HAT1: variants seen among roughly 807,000 people sequenced by gnomAD.
HAT1 encodes the protein histone acetyltransferase 1.
Under a neutral mutation model 56.6 loss-of-function variants are expected in HAT1, and 20 were observed. The ratio of observed to expected loss-of-function variants is 0.35; its 90% CI spans 0.25 to 0.51. The LOEUF (loss-of-function observed/expected upper bound fraction) is 0.51, where lower values mean the gene tolerates loss of function less well. HAT1 is among the 20% of genes least tolerant of loss of function. HAT1 has a pLI of 0.95. For synonymous variants in HAT1, 146 were observed against 165.5 expected, an observed-to-expected ratio of 0.88 and a Z score of 0.91; for missense variants, 408 against 504.3, an observed-to-expected ratio of 0.81 and a Z score of 1.83.
At chr2:171,938,076 T>TCTCTCTC (rs1574039412) in intron 2 of HAT1, among the ~76,000 whole-genome samples, 23 of 63,694 alleles carry the variant, frequency 3.6e-4, no homozygotes, top group East Asian at 7.1e-4. Context: ...CTCTCTCTCT[T>TCTCTCTC]TAAATGAACT....
intron 2 of HAT1, among the ~76,000 whole-genome samples, chr2:171,927,627 C>T (rs968621230): frequency 2.0e-5 from 3 of 152,128 alleles, no homozygotes; most frequent in African/African-American, 4.8e-5. Flanking sequence ...CTCACTCAGT[C>T]GCCCAGGTAG....
rs1163494293 is a variant in HAT1, at chr2:171,965,438, A to G, written c.410A>G (p.Lys137Arg). 6.2e-7 allele frequency: 1 copy of G among 1,611,574 alleles called. No homozygotes were observed. The highest frequency in any genetic ancestry group is 8.5e-7 in the Non-Finnish European group (1 of 1,177,976). Reference sequence around the variant, plus strand: ...TTACTGGAAAAGGAAGTTGATTTCAAGCCATTCGGAACCTTACTTCATACC... The same window carrying G: ...TTACTGGAAAAGGAAGTTGATTTCAGGCCATTCGGAACCTTACTTCATACC... Reference protein sequence around the residue: ...LSLLEKEVDFKPFGTLLHTYS... With the variant: ...LSLLEKEVDFRPFGTLLHTYS... Residue 137 changes from lysine (K) to arginine (R), a missense_variant, in exon 5 of 11, where the codon AAG (lysine) becomes AGG (arginine). Transcript: ENST00000264108.
intron 1 of HAT1, among the ~76,000 whole-genome samples, chr2:171,925,155 C>T (rs1045532858): frequency 1.3e-5 from 2 of 148,182 alleles, no homozygotes; most frequent in African/African-American, 2.5e-5. Context: ...TCACTGCACC[C>T]TCTGCCTCCT....
At chr2:171,974,195 A>AAAG (rs1687899541) in intron 8 of HAT1, among the ~76,000 whole-genome samples, 1 of 57,090 alleles carries the variant, frequency 1.8e-5, no homozygotes, top group East Asian at 3.2e-4. Flanking sequence ...AAAAAAAAGA[A>AAAG]AAAAAGAAAA....
chr2:171,963,154 GGTTTT>G (rs1687612343), intron 4 of HAT1, among the ~76,000 whole-genome samples: 1 of 150,136 alleles, frequency 6.7e-6, no homozygotes, highest in South Asian at 2.1e-4. Context: ...AGAACTATTT[GGTTTT>G]AAGTTGTATA....
chr2:171,965,415 A>G lies in HAT1; in HGVS notation c.387A>G (p.Leu129=), dbSNP rs758400919. The G allele has an allele frequency of 3.7e-6, 6 of 1,609,944 alleles. No homozygotes were observed. In the South Asian group the frequency reaches 6.6e-5, roughly 18 times the overall value. The stretch of plus-strand genomic sequence containing the variant: ...CAAACACGAATGATTTCCTTTCTTT[A>G]CTGGAAAAGGAAGTTGATTTCAAGC... ...FCTNTNDFLS[L]LEKEVDFKPF... is the part of the protein sequence containing the mutation. Residue 129 remains leucine (L), a synonymous_variant, in exon 5 of 11, where the codon TTA becomes TTG. Transcript: ENST00000264108.
At chr2:171,927,391 A>G (rs1043851590) in intron 2 of HAT1, among the ~76,000 whole-genome samples, 1 of 152,200 alleles carries the variant, frequency 6.6e-6, no homozygotes, top group African/African-American at 2.4e-5. Context: ...TGCAGAAAAT[A>G]CTTGGTAAGG....
At chr2:171,980,889 G>T (rs1688116326) in intron 10 of HAT1, 1 of 148,394 alleles carries the variant, frequency 6.7e-6, no homozygotes, top group East Asian at 1.9e-4. Context: ...AAAAAAAAAG[G>T]CCAGGTGCGG....
chr2:171,978,384 C>T (rs1688042924), intron 9 of HAT1, among the ~76,000 whole-genome samples: 1 of 152,232 alleles, frequency 6.6e-6, no homozygotes, highest in African/African-American at 2.4e-5. Flanking sequence ...TAGCAGGTTT[C>T]TGACCTTTCT....
At chr2:171,977,461 T>TAA (rs369071500) in intron 9 of HAT1, among the ~76,000 whole-genome samples, 41 of 108,584 alleles carry the variant, frequency 3.8e-4, no homozygotes, top group Admixed American at 6.2e-4. Flanking sequence ...GACTTCATCT[T>TAA]AAAAAAAAAA....
chr2:171,931,942 A>G (rs1158260878), intron 2 of HAT1, among the ~76,000 whole-genome samples: 2 of 152,166 alleles, frequency 1.3e-5, no homozygotes, highest in Admixed American at 6.5e-5. Context: ...ACCATTCACT[A>G]TGATGTTAGC....
At chr2:171,934,816 C>G (rs922794158) in intron 2 of HAT1, among the ~76,000 whole-genome samples, 3 of 137,154 alleles carry the variant, frequency 2.2e-5, no homozygotes, top group Non-Finnish European at 4.6e-5. Context: ...AGTGCAATGG[C>G]GCGATCTCAG....
At chr2:171,961,787 TCA>T (rs1687580283) in intron 4 of HAT1, among the ~76,000 whole-genome samples, 1 of 152,146 alleles carries the variant, frequency 6.6e-6, no homozygotes, top group Non-Finnish European at 1.5e-5. Context: ...GTGAAAAAGT[TCA>T]CACTTTTAAT....
At chr2:171,933,729 G>A (rs1686799943) in intron 2 of HAT1, among the ~76,000 whole-genome samples, 1 of 152,074 alleles carries the variant, frequency 6.6e-6, no homozygotes, top group Admixed American at 6.6e-5. Context: ...TATTGTCACT[G>A]ATTTCTGAAT....
intron 9 of HAT1, among the ~76,000 whole-genome samples, chr2:171,978,328 T>C (rs1350932752): frequency 6.6e-6 from 1 of 152,216 alleles, no homozygotes; most frequent in Non-Finnish European, 1.5e-5. Flanking sequence ...ACTACAGGCA[T>C]GAGCCACCAT....
At chr2:171,946,830 A>AT (rs142903859) in intron 3 of HAT1, 47 bp downstream of exon 3, 19,915 of 832,740 alleles carry the variant, frequency 0.024, 320 homozygotes, top group Non-Finnish European at 0.028. Context: ...GGAAAAAAAA[A>AT]TTTTCATTCT....
chr2:171,931,016 G>A (rs1686732940), intron 2 of HAT1, among the ~76,000 whole-genome samples: 1 of 151,910 alleles, frequency 6.6e-6, no homozygotes, highest in African/African-American at 2.4e-5. Context: ...TTATACAGTT[G>A]TCCATTGGTA....
At chr2:171,971,738 A>C (rs1028015880) in intron 8 of HAT1, among the ~76,000 whole-genome samples, 1 of 152,214 alleles carries the variant, frequency 6.6e-6, no homozygotes, top group African/African-American at 2.4e-5. Flanking sequence ...GATAATGTCA[A>C]GTTTAGCCTG....
At chr2:171,943,843 C>A (rs1687090326) in intron 2 of HAT1, among the ~76,000 whole-genome samples, 1 of 151,356 alleles carries the variant, frequency 6.6e-6, no homozygotes, top group African/African-American at 2.4e-5. Flanking sequence ...CATCAAAACA[C>A]TTTAATAGCT....
Sources: gnomAD v4.1 joint callset for allele counts (sites outside exome capture counted in the v4.1 genomes callset) on GRCh38, gnomAD v4.1.1 for gene constraint, MANE v1.5 for transcripts, NCBI Gene and HGNC (gene_info 2026-07-23, HGNC 2026-07-21) for gene names.